The following ANKFN1 variants were observed in gnomAD, a reference collection of about 807,000 sequenced individuals.
ANKFN1 encodes the protein ankyrin repeat and fibronectin type-III domain-containing protein 1.
A neutral mutation model predicts 108.7 loss-of-function variants in ANKFN1; 74 were observed. That is an observed-to-expected ratio of 0.68 (90% CI 0.56 to 0.83). The LOEUF (loss-of-function observed/expected upper bound fraction) is 0.83. Ranked by LOEUF, ANKFN1 falls within the 40% of genes least tolerant of loss-of-function variation. ANKFN1 has a pLI of 0.00. For missense variants in ANKFN1, 1,505 were observed against 1,382.3 expected (o/e 1.09, Z -1.41); for synonymous variants, 547 against 516.2 (o/e 1.06, Z -0.81).
At chr17:56,404,967 A>G (rs1013663706) in intron 8 of ANKFN1, among the ~76,000 whole-genome samples, 1 of 152,160 alleles carries the variant, frequency 6.6e-6, no homozygotes, top group African/African-American at 2.4e-5. Flanking sequence ...ACCTAGCTCC[A>G]GTCTGATACT....
At chr17:56,324,170 G>T (rs1028479725) in intron 3 of ANKFN1, among the ~76,000 whole-genome samples, 3 of 152,132 alleles carry the variant, frequency 2.0e-5, no homozygotes, top group African/African-American at 7.2e-5. Context: ...ATAGAAAGGT[G>T]GTGAGAAATT....
At chr17:56,482,557 C>T (rs778574726) in intron 18 of ANKFN1, 33 bp downstream of exon 18, 3 of 1,598,600 alleles carry the variant, frequency 1.9e-6, no homozygotes, top group Admixed American at 1.7e-5. Flanking sequence ...GAAATATTAA[C>T]CCAGCCTCCT....
intron 11 of ANKFN1, among the ~76,000 whole-genome samples, chr17:56,454,459 G>A (rs555646638): frequency 1.3e-5 from 2 of 151,904 alleles, no homozygotes; most frequent in Non-Finnish European, 2.9e-5. Context: ...CTAATTTTTG[G>A]CCTTTGTATT....
intron 3 of ANKFN1, among the ~76,000 whole-genome samples, chr17:56,235,275 G>C (rs1214674986): frequency 6.6e-6 from 1 of 152,040 alleles, no homozygotes; most frequent in Non-Finnish European, 1.5e-5. Flanking sequence ...ATGCATAGGT[G>C]GCAAATATTT....
chr17:56,296,039 T>G (rs945951317), intron 3 of ANKFN1, among the ~76,000 whole-genome samples: 1 of 152,216 alleles, frequency 6.6e-6, no homozygotes, highest in Admixed American at 6.5e-5. Flanking sequence ...AAAGTATGGA[T>G]GTATATGTAC....
intron 1 of ANKFN1, among the ~76,000 whole-genome samples, chr17:56,156,326 G>A (rs1909115416): frequency 6.6e-6 from 1 of 152,054 alleles, no homozygotes. Context: ...GGCCTCAAGT[G>A]GTCCACCCAC....
intron 4 of ANKFN1, among the ~76,000 whole-genome samples, chr17:56,064,573 G>C (rs1487008045): frequency 6.6e-6 from 1 of 152,192 alleles, no homozygotes; most frequent in Non-Finnish European, 1.5e-5. Context: ...AGCCGTCCAG[G>C]CCCCCTGGCT....
At chr17:56,243,040 G>A (rs940205643) in intron 3 of ANKFN1, among the ~76,000 whole-genome samples, 1 of 151,972 alleles carries the variant, frequency 6.6e-6, no homozygotes, top group Non-Finnish European at 1.5e-5. Context: ...TTTTTAAAAT[G>A]TATTGCTATA....
chr17:56,345,908 C>T (rs911670494), intron 4 of ANKFN1, among the ~76,000 whole-genome samples: 60 of 151,948 alleles, frequency 3.9e-4, no homozygotes, highest in African/African-American at 1.4e-3. Flanking sequence ...TCCCATTTGT[C>T]AATTTTGGCT....
intron 6 of ANKFN1, among the ~76,000 whole-genome samples, chr17:56,363,456 C>T (rs1334230193): frequency 2.0e-5 from 3 of 152,112 alleles, no homozygotes; most frequent in Admixed American, 2.0e-4. Context: ...AAAGGAAACG[C>T]TTGTACACTG....
intron 1 of ANKFN1, among the ~76,000 whole-genome samples, chr17:56,158,259 T>C (rs571625905): frequency 1.5e-4 from 23 of 152,128 alleles, no homozygotes; most frequent in Non-Finnish European, 2.6e-4. Flanking sequence ...TTCCTAGAAG[T>C]TGGTCAGTAA....
intron 1 of ANKFN1, among the ~76,000 whole-genome samples, chr17:56,188,345 A>G (rs1362894340): frequency 6.6e-6 from 1 of 151,786 alleles, no homozygotes. Context: ...AAGGCAAGGA[A>G]GAGGAATCTC....
chr17:56,423,322 T>C (rs949914393), intron 8 of ANKFN1, among the ~76,000 whole-genome samples: 4 of 152,180 alleles, frequency 2.6e-5, no homozygotes, highest in Non-Finnish European at 4.4e-5. Flanking sequence ...TTCCTACTCC[T>C]ACTAGCTAGC....
chr17:56,346,742 T>TA (rs397814468), intron 4 of ANKFN1, among the ~76,000 whole-genome samples: 3 of 152,026 alleles, frequency 2.0e-5, no homozygotes, highest in East Asian at 1.9e-4. Context: ...ATTTTTTTTT[T>TA]AATTTTGAAT....
At chr17:56,385,851 G>T (rs1396255563) in intron 8 of ANKFN1, among the ~76,000 whole-genome samples, 1 of 152,136 alleles carries the variant, frequency 6.6e-6, no homozygotes, top group East Asian at 1.9e-4. Flanking sequence ...GGAGAAACAG[G>T]AACACTTTTA....
At chr17:56,061,044 C>CTG (rs1429955862) in intron 4 of ANKFN1, among the ~76,000 whole-genome samples, 1 of 152,086 alleles carries the variant, frequency 6.6e-6, no homozygotes, top group African/African-American at 2.4e-5. Flanking sequence ...AAGGATTTGG[C>CTG]TGTGAATCTG....
intron 4 of ANKFN1, among the ~76,000 whole-genome samples, chr17:56,076,590 G>A (rs976473531): frequency 1.3e-5 from 2 of 152,158 alleles, no homozygotes; most frequent in Non-Finnish European, 1.5e-5. Flanking sequence ...TCCTGACTCT[G>A]CCGCTTACTG....
chr17:56,101,785 C>T (rs1381024583), intron 4 of ANKFN1, among the ~76,000 whole-genome samples: 1 of 152,114 alleles, frequency 6.6e-6, no homozygotes, highest in Non-Finnish European at 1.5e-5. Context: ...GTTTGAGAAG[C>T]ACATGTTGAC....
At chr17:56,271,136 A>G (rs1269139549) in intron 3 of ANKFN1, among the ~76,000 whole-genome samples, 1 of 151,886 alleles carries the variant, frequency 6.6e-6, no homozygotes, top group Non-Finnish European at 1.5e-5. Flanking sequence ...CAGCCTCCCC[A>G]GTAACTGGGA....
Sources: allele counts gnomAD v4.1 joint callset (sites outside exome capture counted in the v4.1 genomes callset), GRCh38; gene constraint gnomAD v4.1.1; transcripts MANE v1.5; gene names NCBI Gene and HGNC (gene_info 2026-07-23, HGNC 2026-07-21).